GOLGB1: variants seen among roughly 807,000 people sequenced by gnomAD.
GOLGB1 encodes the protein golgin subfamily B member 1.
Under a neutral mutation model 336.9 loss-of-function variants are expected in GOLGB1, and 174 were observed. That is an observed-to-expected ratio of 0.52 (90% confidence interval 0.46 to 0.59). The LOEUF (loss-of-function observed/expected upper bound fraction) is 0.59, where lower values mean the gene tolerates loss of function less well. GOLGB1 is among the 20% of genes least tolerant of loss of function. GOLGB1 has a pLI of 0.00. For missense variants in GOLGB1, 3,331 were observed against 3,645.3 expected, an observed-to-expected ratio of 0.91 and a Z score of 2.22; for synonymous variants, 1,208 against 1,289.2, an observed-to-expected ratio of 0.94 and a Z score of 1.35.
chr3:121,712,625 A>C (rs1453293982), intron 10 of GOLGB1, among the ~76,000 whole-genome samples: 1 of 152,214 alleles, frequency 6.6e-6, no homozygotes, highest in African/African-American at 2.4e-5. Context: ...AAGACAACTC[A>C]AATTTAAGAA....
At position 121,717,040 on chromosome 3, in the gene GOLGB1, T is replaced by C. The variant is rs150229392; in HGVS notation, c.985A>G (p.Met329Val). 12 of 1,613,534 alleles carry C rather than the reference T, an allele frequency of 7.4e-6. No individual in the cohort carries two copies. Among genetic ancestry groups the C allele is most frequent in the African/African-American group, 4.0e-5 (3 of 74,916 alleles). ...REESKILLEK[M>V]ELEVAERKLS... is the part of the protein sequence containing the mutation. ...TTTCTCTCTGCCACTTCAAGTTCCA[T>C]CTTTTCCAGTAGAATCTTGGACTCC... The change falls in exon 9 of 22, where the codon ATG becomes GTG. Residue 329 changes from methionine to valine, a missense_variant. Physicochemically the swap from Met to Val is conservative, Grantham distance 21. Transcript: ENST00000614479.
In GOLGB1 at chr3:121,674,918, C is replaced by T. The variant is rs1231044575; in HGVS notation, c.9177+1975G>A. On this transcript the variant is annotated intron_variant, in intron 17 of 21. Transcript: ENST00000614479. ...TGGCGCAATCTCGGCTCACTGCAAGCTCCGCTTCCCGGGTTCACGCTATTC... is the reference window on the plus strand; with the variant it reads ...TGGCGCAATCTCGGCTCACTGCAAGTTCCGCTTCCCGGGTTCACGCTATTC... Among the ~76,000 whole-genome samples, 3 of 148,264 alleles carry T rather than the reference C, an allele frequency of 2.0e-5. 1 individual carries two copies. The highest frequency in any genetic ancestry group is 4.4e-5 in the Non-Finnish European group (3 of 67,560).
intron 8 of GOLGB1, among the ~76,000 whole-genome samples, chr3:121,717,930 C>A (rs1944904000): frequency 6.6e-6 from 1 of 152,012 alleles, no homozygotes; most frequent in Non-Finnish European, 1.5e-5. Flanking sequence ...ATACACATAG[C>A]CTAAAGATAA....
chr3:121,668,056 C>T lies in GOLGB1; in HGVS notation c.9419+5G>A. On this transcript the variant is annotated splice_donor_5th_base_variant and intron_variant, in intron 19 of 21. Coordinates refer to ENST00000614479, the MANE Select transcript of GOLGB1 (RefSeq NM_001366282.2). ...GCTCCAGGGTTTAGAGAGCCACTCC[C>T]CTACCTTTGCTGCGGTTCCCTTAGT... The T allele has an allele frequency of 1.3e-6, 2 of 1,540,832 alleles. No homozygotes were observed. The highest frequency in any genetic ancestry group is 1.8e-6 in the Non-Finnish European group (2 of 1,123,256).
chr3:121,664,679 C>T lies in GOLGB1; in HGVS notation c.9661-65G>A, dbSNP rs184203773. 5.5e-4 allele frequency: 812 copies of T among 1,484,278 alleles called. 3 individuals carry two copies. The highest frequency in any genetic ancestry group is 5.9e-4 in the Non-Finnish European group (628 of 1,062,448). 91.9% of individuals were successfully genotyped at this position (1,484,278 alleles called of 1,614,324 possible). ...TAGGGCTATGTTGCTTTCCCTCCTA[C>T]TAGTCTTGCACTTAAGCAAAGCTGA... On this transcript the variant is annotated intron_variant, in intron 21 of 21. Coordinates refer to ENST00000614479, the MANE Select transcript of GOLGB1 (RefSeq NM_001366282.2).
chr3:121,733,482 T>C (rs1946265181), intron 1 of GOLGB1, among the ~76,000 whole-genome samples: 1 of 152,116 alleles, frequency 6.6e-6, no homozygotes, highest in Non-Finnish European at 1.5e-5. Context: ...ATAAAAAATC[T>C]AAATAAATGT....
chr3:121,707,238 A>AAC (rs1187034185), intron 10 of GOLGB1, among the ~76,000 whole-genome samples: 10 of 151,200 alleles, frequency 6.6e-5, no homozygotes, highest in Admixed American at 5.9e-4. Flanking sequence ...AAAAAAAAAA[A>AAC]AAAACAAAAA....
chr3:121,666,068 C>G (rs1938571532), intron 20 of GOLGB1, among the ~76,000 whole-genome samples: 1 of 152,152 alleles, frequency 6.6e-6, no homozygotes, highest in African/African-American at 2.4e-5. Context: ...CTATGGAGGT[C>G]AGTCTGTCAA....
At chr3:121,726,808 G>T in intron 5 of GOLGB1, 105 bp downstream of exon 5, 1 of 756,240 alleles carries the variant, frequency 1.3e-6, no homozygotes, top group Non-Finnish European at 2.1e-6. Flanking sequence ...TATATACATA[G>T]ATAAATGCCC....
intron 11 of GOLGB1, 149 bp downstream of exon 11, chr3:121,702,332 G>A (rs3732408): frequency 0.23 from 88,381 of 376,950 alleles, 11,661 homozygotes; most frequent in Non-Finnish European, 0.28. Flanking sequence ...TGTTTAATGT[G>A]TATTATCTTT....
chr3:121,721,258 C>T (rs143357224), intron 6 of GOLGB1, among the ~76,000 whole-genome samples: 22 of 151,940 alleles, frequency 1.4e-4, no homozygotes, highest in Non-Finnish European at 8.8e-5. Flanking sequence ...AAAGTAAACA[C>T]CTAATGGATA....
intron 1 of GOLGB1, among the ~76,000 whole-genome samples, chr3:121,742,453 T>C (rs1946938554): frequency 1.3e-5 from 2 of 152,218 alleles, no homozygotes; most frequent in African/African-American, 2.4e-5. Context: ...TTGCACCTTA[T>C]ACAAAAATTA....
intron 1 of GOLGB1, among the ~76,000 whole-genome samples, chr3:121,745,986 C>A (rs535352445): frequency 2.6e-5 from 4 of 152,200 alleles, no homozygotes; most frequent in Admixed American, 2.6e-4. Context: ...ATGTCCCTAG[C>A]CACCGAAAAC....
chr3:121,669,241 A>G lies in GOLGB1; in HGVS notation c.9292T>C (p.Leu3098=). Residue 3098 remains leucine, a synonymous_variant, in exon 18 of 22, where the codon TTG becomes CTG. Coordinates refer to ENST00000614479, the MANE Select transcript of GOLGB1 (RefSeq NM_001366282.2). ...TGCAGCTCTTGAACCTGCTTCTCCA[A>G]GACTGCACAGTGATTTAAAAGGTCA... is the stretch of plus-strand genomic sequence containing the variant. The part of the protein sequence containing the change: ...YGDLLNHCAV[L]EKQVQELQAG... 1 of 1,614,072 alleles carries G rather than the reference A, an allele frequency of 6.2e-7. No individual in the cohort carries two copies. The highest frequency in any genetic ancestry group is 8.5e-7 in the Non-Finnish European group (1 of 1,179,980).
chr3:121,747,289 A>G (rs1485488860), intron 1 of GOLGB1, among the ~76,000 whole-genome samples: 1 of 143,578 alleles, frequency 7.0e-6, no homozygotes, highest in Non-Finnish European at 1.5e-5. Context: ...ATATATGTAT[A>G]TATATGTGTA....
intron 5 of GOLGB1, among the ~76,000 whole-genome samples, chr3:121,724,728 A>G (rs545912204): frequency 6.6e-6 from 1 of 152,296 alleles, no homozygotes; most frequent in South Asian, 2.1e-4. Flanking sequence ...AAAGCCCTAA[A>G]GGCATTTCAG....
chr3:121,738,382 A>G (rs1004105607), intron 1 of GOLGB1, among the ~76,000 whole-genome samples: 1 of 152,254 alleles, frequency 6.6e-6, no homozygotes, highest in African/African-American at 2.4e-5. Flanking sequence ...ATCCATGGAC[A>G]GCCTTTACCA....
chr3:121,741,391 C>T (rs1044171590), intron 1 of GOLGB1, among the ~76,000 whole-genome samples: 1 of 151,848 alleles, frequency 6.6e-6, no homozygotes, highest in African/African-American at 2.4e-5. Flanking sequence ...GAAAAAAAAT[C>T]GGGAAGAATG....
Position 121,694,490 on chromosome 3 carries a change from A to T in GOLGB1, c.6033T>A (p.His2011Gln), listed in dbSNP as rs778401393. Residue 2011 changes from histidine (H) to glutamine (Q), a missense_variant, in exon 13 of 22, where the codon CAT becomes CAA. Physicochemically the swap from His to Gln is conservative, Grantham distance 24. Transcript: ENST00000614479. ...GAQKEPGNKS[H>Q]AKELQELLKE... ...TTAACAGTTCCTGAAGTTCCTTTGCATGGCTTTTATTTCCGGGTTCTTTCT... is the reference window on the plus strand; with the variant it reads ...TTAACAGTTCCTGAAGTTCCTTTGCTTGGCTTTTATTTCCGGGTTCTTTCT... 1 of 1,611,368 alleles carries T rather than the reference A, an allele frequency of 6.2e-7. No individual in the cohort carries two copies. The highest frequency in any genetic ancestry group is 2.2e-5 in the East Asian group (1 of 44,872).
Sources: allele counts gnomAD v4.1 joint callset (sites outside exome capture counted in the v4.1 genomes callset), GRCh38; gene constraint gnomAD v4.1.1; transcripts MANE v1.5; gene names NCBI Gene and HGNC (gene_info 2026-07-23, HGNC 2026-07-21).